C8orf34: variants seen among roughly 807,000 people sequenced by gnomAD.
The protein encoded by C8orf34 is chromosome 8 open reading frame 34.
In C8orf34, 65 loss-of-function variants were observed where a neutral mutation model predicts 68.3. The observed-to-expected ratio is 0.95, with a 90% CI of 0.78 to 1.17. The LOEUF is 1.17. C8orf34 is among the 50% of genes most tolerant of loss of function. C8orf34 has a pLI of 0.00. For missense variants in C8orf34, 664 were observed against 655.4 expected, an observed-to-expected ratio of 1.01 and a Z score of -0.14; for synonymous variants, 244 against 241.2, an observed-to-expected ratio of 1.01 and a Z score of -0.11.
chr8:68,770,346 A>AT (rs1823304094), intron 10 of C8orf34, among the ~76,000 whole-genome samples: 1 of 152,190 alleles, frequency 6.6e-6, no homozygotes, highest in Non-Finnish European at 1.5e-5. Context: ...AATGAATACT[A>AT]TTTTTTGTAC....
chr8:68,742,361 A>G (rs1472954012), intron 10 of C8orf34, among the ~76,000 whole-genome samples: 2 of 152,220 alleles, frequency 1.3e-5, no homozygotes, highest in Non-Finnish European at 2.9e-5. Flanking sequence ...TTCTCAAGAA[A>G]AAATAAAACT....
intron 1 of C8orf34, among the ~76,000 whole-genome samples, chr8:68,391,405 T>C (rs531104520): frequency 6.6e-6 from 1 of 152,264 alleles, no homozygotes; most frequent in South Asian, 2.1e-4. Flanking sequence ...ACTGACATGC[T>C]GGTGGCCATG....
At chr8:68,462,008 G>C (rs1229838772) in intron 3 of C8orf34, among the ~76,000 whole-genome samples, 1 of 152,158 alleles carries the variant, frequency 6.6e-6, no homozygotes, top group East Asian at 1.9e-4. Flanking sequence ...ATTGGATAAA[G>C]AGTCAAGACC....
intron 5 of C8orf34, among the ~76,000 whole-genome samples, chr8:68,510,202 G>C (rs1266731395): frequency 6.6e-6 from 1 of 152,152 alleles, no homozygotes; most frequent in African/African-American, 2.4e-5. Context: ...AAATACCAAG[G>C]TGAAATTGCA....
At position 68,331,551 on chromosome 8, in the gene C8orf34, C is replaced by G. The variant is rs935556830; in HGVS notation, c.327+212C>G. ...GCGGGCACTTAGCCAGTTACCTGAA[C>G]GCGGACAGGTGAGCTCGGGAGGGCC... On this transcript the variant is annotated intron_variant, in intron 1 of 13. Coordinates refer to ENST00000518698, the MANE Select transcript of C8orf34 (RefSeq NM_052958.4). 13 of 611,282 alleles carry G rather than the reference C, an allele frequency of 2.1e-5. No individual in the cohort carries two copies. In the East Asian group the frequency reaches 3.5e-4, roughly 17 times the overall value. The allele number at this position is 611,282 out of a possible 1,614,324, so 37.9% of individuals were successfully genotyped here.
chr8:68,685,961 C>T (rs553725403), intron 8 of C8orf34, among the ~76,000 whole-genome samples: 61 of 151,426 alleles, frequency 4.0e-4, no homozygotes, highest in Non-Finnish European at 6.6e-4. Context: ...ACATTATAAC[C>T]AATACCATAG....
intron 7 of C8orf34, among the ~76,000 whole-genome samples, chr8:68,575,503 T>C (rs1010131225): frequency 2.0e-5 from 3 of 152,122 alleles, no homozygotes; most frequent in Non-Finnish European, 2.9e-5. Flanking sequence ...CAGTGGTACA[T>C]TGGGTAAGAA....
chr8:68,414,096 C>A (rs1253889525), intron 1 of C8orf34, among the ~76,000 whole-genome samples: 1 of 152,122 alleles, frequency 6.6e-6, no homozygotes, highest in Non-Finnish European at 1.5e-5. Flanking sequence ...TAGTTTTTAC[C>A]TTGAGGCCTC....
chr8:68,710,002 G>GA (rs957382769), intron 9 of C8orf34, among the ~76,000 whole-genome samples: 7 of 151,656 alleles, frequency 4.6e-5, no homozygotes, highest in African/African-American at 1.7e-4. Flanking sequence ...TCTTCAACAG[G>GA]AAAAAAACAT....
At chr8:68,345,023 A>G (rs1585952966) in intron 1 of C8orf34, among the ~76,000 whole-genome samples, 1 of 152,202 alleles carries the variant, frequency 6.6e-6, no homozygotes, top group South Asian at 2.1e-4. Flanking sequence ...AAGACATCAC[A>G]TGAGAGAGCA....
At chr8:68,345,873 A>G (rs1357020723) in intron 1 of C8orf34, among the ~76,000 whole-genome samples, 2 of 152,116 alleles carry the variant, frequency 1.3e-5, no homozygotes, top group African/African-American at 4.8e-5. Context: ...AAAATTTACC[A>G]TGATTTAAGC....
At chr8:68,801,461 C>G (rs187023206) in intron 12 of C8orf34, among the ~76,000 whole-genome samples, 32 of 152,282 alleles carry the variant, frequency 2.1e-4, no homozygotes, top group Admixed American at 2.0e-3. Flanking sequence ...ACCTTCCATT[C>G]CTACCTTGGT....
At chr8:68,459,050 T>C (rs958491776) in intron 3 of C8orf34, among the ~76,000 whole-genome samples, 1 of 152,180 alleles carries the variant, frequency 6.6e-6, no homozygotes, top group Non-Finnish European at 1.5e-5. Context: ...TTGTACACAT[T>C]AGCAGATATG....
intron 1 of C8orf34, among the ~76,000 whole-genome samples, chr8:68,425,453 C>T (rs1810168052): frequency 6.6e-6 from 1 of 152,088 alleles, no homozygotes; most frequent in African/African-American, 2.4e-5. Context: ...AATTGAATTT[C>T]TGTATACTGA....
chr8:68,476,284 A>T (rs1812613895), intron 4 of C8orf34, among the ~76,000 whole-genome samples: 1 of 152,234 alleles, frequency 6.6e-6, no homozygotes, highest in African/African-American at 2.4e-5. Flanking sequence ...GTACTTTAAA[A>T]GAGCTGAGGA....
chr8:68,626,201 C>CAGT (rs1466235338), intron 7 of C8orf34, among the ~76,000 whole-genome samples: 1 of 152,020 alleles, frequency 6.6e-6, no homozygotes, highest in African/African-American at 2.4e-5. Context: ...AGTGAAGGAA[C>CAGT]AGTAGTATCA....
chr8:68,468,725 G>A lies in C8orf34; in HGVS notation c.641G>A (p.Trp214Ter). 1 of 1,612,772 alleles carries A rather than the reference G, an allele frequency of 6.2e-7. No individual in the cohort carries two copies. Among genetic ancestry groups the A allele is most frequent in the Non-Finnish European group, 8.5e-7 (1 of 1,179,242 alleles). Residue 214 changes from tryptophan (W) to a stop codon, truncating the protein, a stop_gained, in exon 4 of 14, where the codon TGG becomes TAG. Transcript: ENST00000518698. LOFTEE classifies it high-confidence loss of function. Reference protein sequence around the residue: ...PRSVEHPKWNWRTKPQSRDFD... With the variant: ...PRSVEHPKWN ...TCAGTAGAGCATCCAAAGTGGAACT[G>A]GAGGACTAAACCACAAAGCCGTGAT...
intron 1 of C8orf34, among the ~76,000 whole-genome samples, chr8:68,372,616 TTA>T (rs1305943632): frequency 6.6e-6 from 1 of 152,224 alleles, no homozygotes; most frequent in Non-Finnish European, 1.5e-5. Context: ...CTTACTATTA[TTA>T]TACTTTAAGT....
chr8:68,399,572 G>A (rs1233811479), intron 1 of C8orf34, among the ~76,000 whole-genome samples: 1 of 152,098 alleles, frequency 6.6e-6, no homozygotes, highest in Non-Finnish European at 1.5e-5. Context: ...GATGGACATT[G>A]AGGTTGATTT....
Sources: gnomAD v4.1 joint callset for allele counts (sites outside exome capture counted in the v4.1 genomes callset) on GRCh38, gnomAD v4.1.1 for gene constraint, MANE v1.5 for transcripts, NCBI Gene and HGNC (gene_info 2026-07-23, HGNC 2026-07-21) for gene names.